The following WSB1 variants were observed in gnomAD, a reference collection of about 807,000 sequenced individuals.
WSB1 encodes the protein WD repeat and SOCS box containing 1.
In WSB1, 23 loss-of-function variants were observed where a neutral mutation model predicts 50.2. The ratio of observed to expected loss-of-function variants is 0.46; its 90% confidence interval spans 0.33 to 0.65. The LOEUF (loss-of-function observed/expected upper bound fraction) is 0.65. WSB1 is among the 30% of genes least tolerant of loss of function. The pLI is 0.02. For missense variants in WSB1, 492 were observed against 522.3 expected (o/e 0.94, Z 0.56); for synonymous variants, 179 against 172.0 (o/e 1.04, Z -0.32).
At chr17:27,308,122 C>T in intron 5 of WSB1, 1 of 1,059,018 alleles carries the variant, frequency 9.4e-7, no homozygotes, top group Non-Finnish European at 1.1e-6. Flanking sequence ...GGAATTCTTT[C>T]AGATTCCAGA....
In WSB1 at chr17:27,303,239, T is replaced by C. The variant is rs1163784970; in HGVS notation, c.210-128T>C. ...AACCTTTCCCTTCCTATCTATAGGA[T>C]TCTATTGTTATTTGGTGTCATTATA... On this transcript the variant is annotated intron_variant, in intron 2 of 8. Transcript: ENST00000262394. 6.7e-6 allele frequency: 7 copies of C among 1,045,382 alleles called. No homozygotes were observed. In the African/African-American group the frequency reaches 1.1e-4, roughly 17 times the overall value. 64.8% of individuals were successfully genotyped at this position (1,045,382 alleles called of 1,614,324 possible). A position where few individuals can be genotyped will look rare whatever the true frequency, so the allele number is the denominator to read the frequency against.
At chr17:27,305,958 C>A (rs1856594179) in intron 4 of WSB1, among the ~76,000 whole-genome samples, 1 of 152,174 alleles carries the variant, frequency 6.6e-6, no homozygotes, top group African/African-American at 2.4e-5. Flanking sequence ...GTTATATCCT[C>A]AGTGCCGGCA....
At chr17:27,311,941 C>G (rs529394575) in intron 8 of WSB1, among the ~76,000 whole-genome samples, 1 of 152,276 alleles carries the variant, frequency 6.6e-6, no homozygotes, top group East Asian at 1.9e-4. Flanking sequence ...AGCCACCACA[C>G]CTGGCCCATT....
chr17:27,303,366 G>T lies in WSB1; in HGVS notation c.210-1G>T. The T allele has an allele frequency of 6.2e-7, 1 of 1,613,128 alleles. No homozygotes were observed. The highest frequency in any genetic ancestry group is 8.5e-7 in the Non-Finnish European group (1 of 1,179,446). ...TTTCCATCTGACTTCCCCCACTCCA[G>T]TCTCTTGCATGGCACCAAGAATGTT... On this transcript the variant is annotated splice_acceptor_variant, in intron 2 of 8. Transcript: ENST00000262394. LOFTEE classifies it high-confidence loss of function.
chr17:27,304,258 CAT>C (rs1491477760), intron 3 of WSB1, among the ~76,000 whole-genome samples: 39 of 152,024 alleles, frequency 2.6e-4, no homozygotes, highest in African/African-American at 7.5e-4. Flanking sequence ...AAGATGAACA[CAT>C]AGATTGTCTT....
intron 7 of WSB1, 146 bp from the exon 8 acceptor site, chr17:27,311,363 T>C: frequency 1.8e-6 from 1 of 566,286 alleles, no homozygotes; most frequent in East Asian, 3.0e-5. Context: ...TTTGTAATTG[T>C]ATAAAGCAAG....
chr17:27,300,570 C>T (rs752231988), intron 1 of WSB1, among the ~76,000 whole-genome samples: 1 of 152,112 alleles, frequency 6.6e-6, no homozygotes, highest in Non-Finnish European at 1.5e-5. Context: ...AAATATATGA[C>T]ATTGTCCATT....
At position 27,314,510 on chromosome 17, in the gene WSB1, A is replaced by C. The variant is rs1325595895; in HGVS notation, c.*2141A>C. 2 of 152,014 alleles carry C rather than the reference A, an allele frequency of 1.3e-5. No homozygotes were observed. The highest frequency in any genetic ancestry group is 3.9e-4 in the East Asian group (2 of 5,158). 9.4% of individuals were successfully genotyped at this position (152,014 alleles called of 1,614,324 possible). ...AGAATTGCTTGAACTGGAGAAATGG[A>C]GGTTGCAGTGAGCTGAGATCACGCA... On this transcript the variant is annotated 3_prime_UTR_variant, in exon 9 of 9. Coordinates refer to ENST00000262394, the MANE Select transcript of WSB1 (RefSeq NM_015626.10).
At chr17:27,296,383 T>G (rs758671415) in intron 1 of WSB1, among the ~76,000 whole-genome samples, 5 of 152,188 alleles carry the variant, frequency 3.3e-5, no homozygotes, top group Non-Finnish European at 5.9e-5. Flanking sequence ...CTTTGTTTCT[T>G]TTTTTGAATT....
chr17:27,301,985 A>G (rs1200192712), intron 2 of WSB1, 29 bp downstream of exon 2: 2 of 1,517,050 alleles, frequency 1.3e-6, no homozygotes, highest in Non-Finnish European at 1.8e-6. Flanking sequence ...TGTATTTTGT[A>G]TCTGTTTGTG....
At chr17:27,307,108 TA>T (rs1032695797) in intron 5 of WSB1, 29 of 513,502 alleles carry the variant, frequency 5.6e-5, no homozygotes, top group African/African-American at 5.5e-4. Context: ...ATAATGGGCA[TA>T]TCAGGGTTTT....
chr17:27,294,601 G>A (rs2016867153), intron 1 of WSB1, among the ~76,000 whole-genome samples, 166 bp downstream of exon 1: 1 of 152,066 alleles, frequency 6.6e-6, no homozygotes, highest in South Asian at 2.1e-4. Flanking sequence ...AGTTGGCTGA[G>A]GGGTAAACGG....
chr17:27,298,126 GA>G (rs35222722), intron 1 of WSB1, among the ~76,000 whole-genome samples: 24,076 of 74,096 alleles, frequency 0.32, 2,246 homozygotes, highest in Middle Eastern at 0.41. Flanking sequence ...CTCCGTCTCA[GA>G]AAAAAAAAAA....
chr17:27,303,453 C>T lies in WSB1; in HGVS notation c.296C>T (p.Pro99Leu), dbSNP rs1188801990. ...QNSDGGQKNK[P>L]REHIIDCGDI... ...AGTGATGGTGGTCAGAAAAATAAGC[C>T]TCGTGAACATATTATAGACTGTGGA... is the stretch of plus-strand genomic sequence containing the variant. The change falls in exon 3 of 9, where the codon CCT becomes CTT. Residue 99 changes from proline to leucine, a missense_variant. Coordinates refer to ENST00000262394, the MANE Select transcript of WSB1 (RefSeq NM_015626.10). The T allele has an allele frequency of 5.0e-6, 8 of 1,613,826 alleles. No homozygotes were observed. Among genetic ancestry groups the T allele is most frequent in the Admixed American group, 3.3e-5 (2 of 59,974 alleles).
intron 1 of WSB1, among the ~76,000 whole-genome samples, chr17:27,300,317 G>C (rs190666517): frequency 3.9e-5 from 6 of 152,196 alleles, no homozygotes; most frequent in African/African-American, 1.4e-4. Flanking sequence ...GTGTACAATT[G>C]ACCAGACAAC....
rs1257858709 is a variant in WSB1, at chr17:27,313,249, G to A, written c.*880G>A. ...AGAGCCAGGATATAACTAGAAAAAG[G>A]ATGTCTTTTTTTTTTTTTTTACTCC... On this transcript the variant is annotated 3_prime_UTR_variant, in exon 9 of 9. Coordinates refer to ENST00000262394, the MANE Select transcript of WSB1 (RefSeq NM_015626.10). 1 of 149,884 alleles carries A rather than the reference G, an allele frequency of 6.7e-6. No homozygotes were observed. The highest frequency in any genetic ancestry group is 1.5e-5 in the Non-Finnish European group (1 of 67,862). 9.3% of individuals were successfully genotyped at this position (149,884 alleles called of 1,614,324 possible). A position where few individuals can be genotyped will look rare whatever the true frequency, so the allele number is the denominator to read the frequency against.
At chr17:27,308,957 G>T in intron 5 of WSB1, 143 bp from the exon 6 acceptor site, 1 of 1,292,910 alleles carries the variant, frequency 7.7e-7, no homozygotes, top group Non-Finnish European at 9.9e-7. Flanking sequence ...ATCTGACTAT[G>T]ACACTGAGCA....
intron 2 of WSB1, chr17:27,302,685 T>C (rs1597757612): frequency 6.6e-6 from 1 of 152,264 alleles, no homozygotes; most frequent in Non-Finnish European, 1.5e-5. Context: ...TCAGCCTCCC[T>C]AAGTGCTGGG....
chr17:27,306,094 A>G (rs2017440604), intron 4 of WSB1, among the ~76,000 whole-genome samples: 1 of 152,130 alleles, frequency 6.6e-6, no homozygotes, highest in South Asian at 2.1e-4. Context: ...GGTTCTCAAA[A>G]ATGAAGAATG....
Sources: allele counts gnomAD v4.1 joint callset (sites outside exome capture counted in the v4.1 genomes callset), GRCh38; gene constraint gnomAD v4.1.1; transcripts MANE v1.5; gene names NCBI Gene and HGNC (gene_info 2026-07-23, HGNC 2026-07-21).